The following CACHD1 variants were observed in gnomAD, a reference collection of about 807,000 sequenced individuals.
The protein encoded by CACHD1 is VWFA and cache domain-containing protein 1.
In CACHD1, 71 loss-of-function variants were observed where a neutral mutation model predicts 138.7. The observed-to-expected ratio is 0.51, with a 90% CI of 0.42 to 0.62. The LOEUF (loss-of-function observed/expected upper bound fraction) is 0.62. Ranked by LOEUF, CACHD1 falls within the 20% of genes least tolerant of loss-of-function variation. The pLI is 0.00. For missense variants in CACHD1, 1,389 were observed against 1,625.3 expected, an observed-to-expected ratio of 0.85 and a Z score of 2.50; for synonymous variants, 578 against 591.5, an observed-to-expected ratio of 0.98 and a Z score of 0.33.
At chr1:64,563,971 A>G (rs1419499688) in intron 2 of CACHD1, 2 of 152,178 alleles carry the variant, frequency 1.3e-5, no homozygotes, top group African/African-American at 4.8e-5. Context: ...TCCAGATTAC[A>G]AAAGGGTGAT....
At chr1:64,654,107 A>G (rs372913500) in intron 11 of CACHD1, among the ~76,000 whole-genome samples, 4 of 152,314 alleles carry the variant, frequency 2.6e-5, no homozygotes, top group Admixed American at 2.0e-4. Flanking sequence ...ATGTCTTGTA[A>G]ATCAAATTTT....
chr1:64,559,662 TAAAC>T (rs57958650), intron 2 of CACHD1, among the ~76,000 whole-genome samples: 7,287 of 152,030 alleles, frequency 0.048, 261 homozygotes, highest in East Asian at 0.12. Flanking sequence ...AAAAACAAAA[TAAAC>T]AAACAAACCA....
At chr1:64,584,169 AC>A (rs1223605994) in intron 3 of CACHD1, among the ~76,000 whole-genome samples, 2 of 152,200 alleles carry the variant, frequency 1.3e-5, no homozygotes, top group African/African-American at 4.8e-5. Context: ...CTAGGGAAAG[AC>A]ATGTGGCAAT....
In CACHD1 at chr1:64,470,946, A is replaced by C. The variant is rs1225943403; in HGVS notation, c.198+4A>C. 5 of 1,597,394 alleles carry C rather than the reference A, an allele frequency of 3.1e-6. No homozygotes were observed. In the East Asian group the frequency reaches 1.1e-4, roughly 36 times the overall value. On this transcript the variant is annotated splice_donor_region_variant and intron_variant, in intron 1 of 26. Coordinates refer to ENST00000651257, the MANE Select transcript of CACHD1 (RefSeq NM_020925.4). This position sits in a 1 kb window ranked among gnomAD's most constrained non-coding sequence, Gnocchi z 5.2. The stretch of plus-strand genomic sequence containing the variant: ...GCTGGGGGTCGTCACCATGCAGGTA[A>C]GTGGCCCCCGAGCTGGCCAGACATC...
intron 1 of CACHD1, among the ~76,000 whole-genome samples, chr1:64,479,109 G>A (rs1204992742): frequency 1.3e-5 from 2 of 152,196 alleles, no homozygotes; most frequent in Non-Finnish European, 2.9e-5. Context: ...AAAATGCAGT[G>A]CTTGTGTGCA....
chr1:64,583,715 T>G (rs1423908875), intron 3 of CACHD1, among the ~76,000 whole-genome samples: 3 of 152,186 alleles, frequency 2.0e-5, no homozygotes, highest in African/African-American at 7.2e-5. Flanking sequence ...TGGGGAGGCC[T>G]CACAATCATG....
intron 26 of CACHD1, among the ~76,000 whole-genome samples, chr1:64,683,592 C>T (rs1650257970): frequency 6.6e-6 from 1 of 152,144 alleles, no homozygotes; most frequent in Non-Finnish European, 1.5e-5. Flanking sequence ...GAAGCAACAG[C>T]TTAGATAAAA....
At chr1:64,514,739 A>G (rs918321274) in intron 1 of CACHD1, among the ~76,000 whole-genome samples, 9 of 152,342 alleles carry the variant, frequency 5.9e-5, no homozygotes, top group Admixed American at 5.9e-4. Context: ...CTTGTTCTCA[A>G]GAATGGAACA....
In CACHD1 at chr1:64,692,003, C is replaced by CT. The variant is rs1650578727; in HGVS notation, c.*445dup. ...ACAAATGTGTGCATTGAAGATTTCG[C>CT]TTTGTTTCTTAGCGGTACCTGGATA... On this transcript the variant is annotated 3_prime_UTR_variant, in exon 27 of 27. Coordinates refer to ENST00000651257, the MANE Select transcript of CACHD1 (RefSeq NM_020925.4). The CT allele has an allele frequency of 5.4e-6, 1 of 183,516 alleles. No individual in the cohort carries two copies. Among genetic ancestry groups the CT allele is most frequent in the South Asian group, 1.3e-4 (1 of 7,762 alleles). The allele number at this position is 183,516 out of a possible 1,614,324, so 11.4% of individuals were successfully genotyped here. A position where few individuals can be genotyped will look rare whatever the true frequency, so the allele number is the denominator to read the frequency against.
intron 3 of CACHD1, among the ~76,000 whole-genome samples, chr1:64,602,486 T>TTG (rs10692536): frequency 4.0e-5 from 6 of 150,294 alleles, no homozygotes; most frequent in Admixed American, 6.6e-5. Context: ...TTTTTTTTTT[T>TTG]GTAGCTCTAT....
intron 7 of CACHD1, among the ~76,000 whole-genome samples, chr1:64,636,454 C>G (rs1296982668): frequency 6.6e-6 from 1 of 152,186 alleles, no homozygotes; most frequent in East Asian, 1.9e-4. Flanking sequence ...TTTAGGGTCT[C>G]ACAGGCTACT....
At chr1:64,538,199 C>T (rs923787232) in intron 1 of CACHD1, among the ~76,000 whole-genome samples, 1 of 152,128 alleles carries the variant, frequency 6.6e-6, no homozygotes, top group Non-Finnish European at 1.5e-5. Flanking sequence ...ATCATATTAG[C>T]ATCACATTTA....
chr1:64,656,302 A>G (rs1649259559), intron 12 of CACHD1, among the ~76,000 whole-genome samples: 1 of 152,204 alleles, frequency 6.6e-6, no homozygotes, highest in South Asian at 2.1e-4. Context: ...CTATTTTGAA[A>G]TTCTCTTAGC....
In CACHD1 at chr1:64,572,689, G is replaced by GT. The variant is rs371644375; in HGVS notation, c.262-9461dup. On this transcript the variant is annotated intron_variant, in intron 2 of 26. Transcript: ENST00000651257. ...TCTGGCATGTCAGCACTTGCCTCCT[G>GT]TTTTTTCCATTGTACTCCTCCCAGC... is the stretch of plus-strand genomic sequence containing the variant. 3.2e-4 allele frequency among the ~76,000 whole-genome samples: 49 copies of GT among 152,306 alleles called. 1 individual carries two copies. The highest frequency in any genetic ancestry group is 1.1e-3 in the African/African-American group (47 of 41,576).
At position 64,582,290 on chromosome 1, in the gene CACHD1, A is replaced by T. The variant is rs1647019506; in HGVS notation, c.396A>T (p.Pro132=). 6.2e-7 allele frequency: 1 copy of T among 1,613,324 alleles called. No homozygotes were observed. The highest frequency in any genetic ancestry group is 1.7e-5 in the Admixed American group (1 of 59,940). The change falls in exon 3 of 27, where the codon CCA becomes CCT. Residue 132 remains proline, a synonymous_variant. Transcript: ENST00000651257. ...LTAIQDCCTI[P]PSMMEFDGNF... ...CAATTCAAGACTGCTGTACTATCCC[A>T]CCTTCCATGATGGAGTAAGACTTTA... is the stretch of plus-strand genomic sequence containing the variant.
intron 24 of CACHD1, among the ~76,000 whole-genome samples, chr1:64,680,534 A>T (rs1206289668): frequency 6.6e-6 from 1 of 152,104 alleles, no homozygotes; most frequent in Non-Finnish European, 1.5e-5. Flanking sequence ...ATTCACCTAT[A>T]ATCATGGCCT....
At chr1:64,480,384 G>A (rs867298955) in intron 1 of CACHD1, among the ~76,000 whole-genome samples, 40 of 151,662 alleles carry the variant, frequency 2.6e-4, no homozygotes, top group African/African-American at 8.5e-4. Flanking sequence ...TTTTTTTTCC[G>A]CATTTTTCTC....
chr1:64,671,422 T>G (rs981087386), intron 16 of CACHD1, 142 bp from the exon 17 acceptor site: 21 of 840,974 alleles, frequency 2.5e-5, no homozygotes, highest in Non-Finnish European at 2.7e-5. Flanking sequence ...GTCACTTAGT[T>G]GATCATTTTT....
intron 1 of CACHD1, among the ~76,000 whole-genome samples, chr1:64,547,449 T>C (rs976187080): frequency 1.3e-5 from 2 of 152,208 alleles, no homozygotes; most frequent in Non-Finnish European, 2.9e-5. Context: ...CACTGCAACC[T>C]CTGCCTCCTG....
Sources: gnomAD v4.1 joint callset for allele counts (sites outside exome capture counted in the v4.1 genomes callset) on GRCh38, gnomAD v4.1.1 for gene constraint, Gnocchi (gnomAD v3.1) non-coding constraint, MANE v1.5 for transcripts, NCBI Gene and HGNC (gene_info 2026-07-23, HGNC 2026-07-21) for gene names.